The following RANBP2 variants were observed in gnomAD, a reference collection of about 807,000 sequenced individuals.
RANBP2 encodes RAN binding protein 2, also known as E3 SUMO-protein ligase RanBP2.
RANBP2 carries 57 observed loss-of-function variants against 303.6 expected under a neutral mutation model. The observed-to-expected ratio is 0.19, with a 90% CI of 0.15 to 0.23. The LOEUF is 0.23. RANBP2 is among the 10% of genes least tolerant of loss of function. The pLI is 1.00. For synonymous variants in RANBP2, 1,167 were observed against 1,301.5 expected (o/e 0.90, Z 2.23); for missense variants, 3,138 against 3,780.8 (o/e 0.83, Z 4.46).
the RANBP2 span, among the ~76,000 whole-genome samples, chr2:109,739,814 G>C: frequency 6.6e-6 from 1 of 150,900 alleles, no homozygotes; most frequent in Non-Finnish European, 1.5e-5. Context: ...AAGATAAAAG[G>C]CTTTTAGTTT....
chr2:108,854,724 C>T, the RANBP2 span, among the ~76,000 whole-genome samples: 1 of 152,080 alleles, frequency 6.6e-6, no homozygotes, highest in South Asian at 2.1e-4. Flanking sequence ...CTTGGTTCTG[C>T]TGTTCTTTCT....
At chr2:109,777,308 G>A in the RANBP2 span, among the ~76,000 whole-genome samples, 1 of 148,338 alleles carries the variant, frequency 6.7e-6, no homozygotes, top group African/African-American at 2.5e-5. Flanking sequence ...GGTCATATGG[G>A]TTTTAATCTA....
the RANBP2 span, among the ~76,000 whole-genome samples, chr2:109,188,987 A>T: frequency 6.6e-6 from 1 of 151,946 alleles, no homozygotes; most frequent in Non-Finnish European, 1.5e-5. Flanking sequence ...TGTGAAATGG[A>T]AGCTGCTTCT....
the RANBP2 span, among the ~76,000 whole-genome samples, chr2:109,248,183 TATTA>T: frequency 6.6e-6 from 1 of 152,232 alleles, no homozygotes; most frequent in Non-Finnish European, 1.5e-5. Flanking sequence ...ATATTCTGGA[TATTA>T]ATTCTTTCAT....
At chr2:109,524,469 A>AAAAAAAAAAAAAAACAAC in the RANBP2 span, among the ~76,000 whole-genome samples, 1 of 80,844 alleles carries the variant, frequency 1.2e-5, no homozygotes, top group African/African-American at 4.5e-5. Context: ...AAAAAAAACA[A>AAAAAAAAAAAAAAACAAC]AACAACACTG....
chr2:109,144,781 C>A, the RANBP2 span, among the ~76,000 whole-genome samples: 1 of 152,230 alleles, frequency 6.6e-6, no homozygotes. Context: ...AGTCAGGCAC[C>A]AGGCTGGAGC....
the RANBP2 span, among the ~76,000 whole-genome samples, chr2:109,285,528 G>A: frequency 8.0e-3 from 1,217 of 152,320 alleles, 11 homozygotes; most frequent in East Asian, 0.037. Flanking sequence ...GGACTGCAGG[G>A]CAATCGCTTG....
the RANBP2 span, among the ~76,000 whole-genome samples, chr2:109,232,739 G>T: frequency 6.6e-6 from 1 of 152,182 alleles, no homozygotes; most frequent in Admixed American, 6.5e-5. Context: ...GGAGCTCTAT[G>T]AGCTGTTTCT....
Position 108,780,057 on chromosome 2 carries a change from C to T in RANBP2, c.8600-1212C>T, listed in dbSNP as rs11886968. ...GAACCTACTTCTTTACTTGGAAGTC[C>T]TTGTGTAGTTTAGTATTAGGAAGTT... On this transcript the variant is annotated intron_variant, in intron 25 of 28. Coordinates refer to ENST00000283195, the MANE Select transcript of RANBP2 (RefSeq NM_006267.5). 4.5e-3 allele frequency among the ~76,000 whole-genome samples: 687 copies of T among 152,014 alleles called. 4 individuals carry two copies. The highest frequency in any genetic ancestry group is 0.016 in the African/African-American group (656 of 41,442).
chr2:109,651,153 A>C, the RANBP2 span, among the ~76,000 whole-genome samples: 1 of 152,102 alleles, frequency 6.6e-6, no homozygotes, highest in Non-Finnish European at 1.5e-5. Context: ...CAACCCCTGT[A>C]CCTATCTCAA....
At chr2:108,944,057 A>G in the RANBP2 span, among the ~76,000 whole-genome samples, 2 of 152,238 alleles carry the variant, frequency 1.3e-5, no homozygotes, top group Non-Finnish European at 2.9e-5. Flanking sequence ...GGCAATTGCT[A>G]TCCAGCCACG....
the RANBP2 span, among the ~76,000 whole-genome samples, chr2:109,489,794 G>A: frequency 0.017 from 2,623 of 152,258 alleles, 66 homozygotes; most frequent in African/African-American, 0.058. Context: ...CTGGAGTGCA[G>A]TGGCGCAATC....
At chr2:109,677,583 C>T in the RANBP2 span, among the ~76,000 whole-genome samples, 1 of 152,142 alleles carries the variant, frequency 6.6e-6, no homozygotes, top group African/African-American at 2.4e-5. Flanking sequence ...ACTTAAAAAT[C>T]CATATCACTC....
chr2:109,219,719 G>A, the RANBP2 span, among the ~76,000 whole-genome samples: 1 of 152,146 alleles, frequency 6.6e-6, no homozygotes, highest in Non-Finnish European at 1.5e-5. Flanking sequence ...AAATACTTGG[G>A]AATAAACTTG....
the RANBP2 span, among the ~76,000 whole-genome samples, chr2:109,468,569 T>C: frequency 3.4e-4 from 51 of 151,980 alleles, no homozygotes. Flanking sequence ...AAGAAGGAAG[T>C]TAGGCCCGGT....
chr2:108,825,350 A>G, the RANBP2 span, among the ~76,000 whole-genome samples: 1 of 151,910 alleles, frequency 6.6e-6, no homozygotes, highest in African/African-American at 2.4e-5. Context: ...TAACTGTGCA[A>G]TTCAGTGTTT....
At chr2:109,460,539 T>TGGCTGAGGAAAGA in the RANBP2 span, among the ~76,000 whole-genome samples, 2 of 152,196 alleles carry the variant, frequency 1.3e-5, no homozygotes, top group African/African-American at 4.8e-5. Context: ...ATGACAGGAA[T>TGGCTGAGGAAAGA]GGCTGAGGAA....
chr2:109,304,573 C>T, the RANBP2 span, among the ~76,000 whole-genome samples: 2 of 152,270 alleles, frequency 1.3e-5, no homozygotes, highest in South Asian at 2.1e-4. Flanking sequence ...CCGCTGCACC[C>T]GTCGGCACTG....
the RANBP2 span, among the ~76,000 whole-genome samples, chr2:108,948,856 G>A: frequency 6.6e-6 from 1 of 152,152 alleles, no homozygotes; most frequent in Non-Finnish European, 1.5e-5. Flanking sequence ...GGTGGCTCAT[G>A]CGTATAATCC....
Sources: gnomAD v4.1 joint callset for allele counts (sites outside exome capture counted in the v4.1 genomes callset) on GRCh38, gnomAD v4.1.1 for gene constraint, MANE v1.5 for transcripts, NCBI Gene and HGNC (gene_info 2026-07-23, HGNC 2026-07-21) for gene names.